LIMCH1: variants seen among roughly 807,000 people sequenced by gnomAD.
The protein encoded by LIMCH1 is LIM and calponin homology domains 1.
LIMCH1 carries 113 observed loss-of-function variants against 176.5 expected under a neutral mutation model. That is an observed-to-expected ratio of 0.64 (90% CI 0.55 to 0.75). LIMCH1 has a LOEUF of 0.75. Ranked by LOEUF, LIMCH1 falls within the 30% of genes least tolerant of loss-of-function variation. The probability of loss-of-function intolerance (pLI) is 0.00; values close to 1 mark genes in which losing one functional copy is unlikely to be tolerated. For synonymous variants in LIMCH1, 619 were observed against 645.9 expected (o/e 0.96, Z 0.63); for missense variants, 1,674 against 1,814.9 (o/e 0.92, Z 1.41).
intron 4 of LIMCH1, chr4:41,613,228 G>T: frequency 3.3e-6 from 3 of 915,102 alleles, no homozygotes; most frequent in Non-Finnish European, 1.6e-6. Context: ...TGAGTTATTT[G>T]GGGATTTTTT....
intron 1 of LIMCH1, among the ~76,000 whole-genome samples, chr4:41,390,582 A>AT (rs2154110607): frequency 6.6e-6 from 1 of 152,322 alleles, no homozygotes; most frequent in East Asian, 1.9e-4. Context: ...AGAATAACAA[A>AT]TTTTTTATTG....
chr4:41,413,522 G>A (rs926762631), intron 1 of LIMCH1, among the ~76,000 whole-genome samples: 1 of 147,598 alleles, frequency 6.8e-6, no homozygotes, highest in Non-Finnish European at 1.5e-5. Flanking sequence ...ATTTTTTGTA[G>A]AGATGGGGTC....
chr4:41,621,320 A>G (rs1483995993), intron 7 of LIMCH1, among the ~76,000 whole-genome samples: 1 of 152,148 alleles, frequency 6.6e-6, no homozygotes, highest in Non-Finnish European at 1.5e-5. Flanking sequence ...ACCTTCAGCA[A>G]TCAGAGCCAA....
intron 1 of LIMCH1, among the ~76,000 whole-genome samples, chr4:41,573,979 A>G (rs905884182): frequency 6.6e-6 from 1 of 152,128 alleles, no homozygotes; most frequent in African/African-American, 2.4e-5. Flanking sequence ...ACAATTAGGA[A>G]GACAAATCTC....
intron 1 of LIMCH1, among the ~76,000 whole-genome samples, chr4:41,541,234 TA>T (rs1221823078): frequency 6.6e-6 from 1 of 152,168 alleles, no homozygotes; most frequent in Non-Finnish European, 1.5e-5. Context: ...GTTGTAATGA[TA>T]TAAAATAAGA....
At chr4:41,480,954 C>T (rs527905600) in intron 1 of LIMCH1, among the ~76,000 whole-genome samples, 1 of 152,218 alleles carries the variant, frequency 6.6e-6, no homozygotes, top group South Asian at 2.1e-4. Flanking sequence ...CTAGATCATA[C>T]AAGGGCTCGA....
In LIMCH1 at chr4:41,661,421, C is replaced by G; in HGVS notation, c.3038C>G (p.Ala1013Gly). 1 of 1,600,404 alleles carries G rather than the reference C, an allele frequency of 6.2e-7. No individual in the cohort carries two copies. Among genetic ancestry groups the G allele is most frequent in the East Asian group, 2.2e-5 (1 of 44,772 alleles). ...GGGGGAAAAAAATCTCTTTTTCAGG[C>G]AACCACTGAGAAAACGGAACCGAAT... ...KPNSVPQELA[A>G]TTEKTEPNSQ... Residue 1013 changes from alanine (A) to glycine (G), a missense_variant and splice_region_variant, in exon 19 of 32, where the codon GCA becomes GGA. By Grantham distance (60) the Ala-to-Gly change is moderately conservative. Coordinates refer to ENST00000503057, the MANE Select transcript of LIMCH1 (RefSeq NM_001330672.2).
chr4:41,436,626 A>G (rs2062109653), intron 1 of LIMCH1, among the ~76,000 whole-genome samples: 1 of 152,208 alleles, frequency 6.6e-6, no homozygotes, highest in African/African-American at 2.4e-5. Context: ...CACCAGGGCA[A>G]TCTGTGTGAC....
intron 4 of LIMCH1, among the ~76,000 whole-genome samples, chr4:41,610,155 A>C (rs191329577): frequency 6.6e-6 from 1 of 152,146 alleles, no homozygotes. Flanking sequence ...TCCCATAACT[A>C]TCTGTGAGAA....
intron 19 of LIMCH1, chr4:41,661,809 A>T (rs988909571): frequency 5.3e-5 from 21 of 398,570 alleles, no homozygotes; most frequent in Non-Finnish European, 8.2e-5. Context: ...ATCATGCTAA[A>T]AATTGAGGGT....
chr4:41,556,035 A>G (rs1489172966), intron 1 of LIMCH1, among the ~76,000 whole-genome samples: 1 of 152,022 alleles, frequency 6.6e-6, no homozygotes, highest in East Asian at 1.9e-4. Context: ...GTGAGCCACC[A>G]CACCTGGCCA....
chr4:41,532,226 G>A (rs1407030527), intron 3 of LIMCH1, among the ~76,000 whole-genome samples: 1 of 152,182 alleles, frequency 6.6e-6, no homozygotes, highest in Non-Finnish European at 1.5e-5. Flanking sequence ...ATTGAAAGGT[G>A]GAATATGAAC....
At position 41,646,586 on chromosome 4, in the gene LIMCH1, G is replaced by A; in HGVS notation, c.2513G>A (p.Ser838Asn). The A allele has an allele frequency of 2.5e-6, 4 of 1,614,222 alleles. No individual in the cohort carries two copies. The highest frequency in any genetic ancestry group is 3.4e-6 in the Non-Finnish European group (4 of 1,180,042). ...CAGTACATTGAGAGGTTCACCATCA[G>A]TGAGGCTGTTCTCGAACGCTTGGAG... Reference protein sequence around the residue: ...LQQYIERFTISEAVLERLEMP... With the variant: ...LQQYIERFTINEAVLERLEMP... Residue 838 changes from serine to asparagine, a missense_variant, in exon 17 of 32, where the codon AGT (serine) becomes AAT (asparagine). By Grantham distance (46) the Ser-to-Asn change is conservative. This residue lies in a region of LIMCH1 where 1,015 missense variants were observed against 1,102.5 expected (regional missense o/e 0.92). Transcript: ENST00000503057.
chr4:41,431,077 C>T (rs954043635), intron 1 of LIMCH1, among the ~76,000 whole-genome samples: 1 of 152,228 alleles, frequency 6.6e-6, no homozygotes, highest in Non-Finnish European at 1.5e-5. Flanking sequence ...ATTTCTCCAT[C>T]CTCCTCAGAT....
chr4:41,523,867 G>A (rs1210229740), intron 2 of LIMCH1, among the ~76,000 whole-genome samples: 3 of 152,124 alleles, frequency 2.0e-5, no homozygotes, highest in East Asian at 1.9e-4. Flanking sequence ...GAATATGATT[G>A]GCTAACCTCT....
chr4:41,629,944 T>C (rs1226020727), intron 9 of LIMCH1, among the ~76,000 whole-genome samples: 2 of 151,990 alleles, frequency 1.3e-5, no homozygotes, highest in Admixed American at 6.6e-5. Context: ...TAGCTGGGAC[T>C]ACAGGCCCAT....
chr4:41,478,618 C>T (rs2068093619), intron 1 of LIMCH1, among the ~76,000 whole-genome samples: 3 of 152,174 alleles, frequency 2.0e-5, no homozygotes, highest in South Asian at 2.1e-4. Flanking sequence ...ATAGTGAAAT[C>T]GATCACTTCA....
intron 1 of LIMCH1, among the ~76,000 whole-genome samples, chr4:41,429,556 C>T (rs1171225133): frequency 6.6e-6 from 1 of 152,250 alleles, no homozygotes; most frequent in Admixed American, 6.5e-5. Flanking sequence ...CTGTGGTAAG[C>T]ACAGTATTCT....
chr4:41,636,091 T>C (rs1333822898), intron 13 of LIMCH1, among the ~76,000 whole-genome samples: 1 of 151,870 alleles, frequency 6.6e-6, no homozygotes, highest in Non-Finnish European at 1.5e-5. Context: ...GTTTTTATTT[T>C]GTAGAGGCAG....
Sources: allele counts gnomAD v4.1 joint callset (sites outside exome capture counted in the v4.1 genomes callset), GRCh38; gene constraint gnomAD v4.1.1; regional missense constraint gnomAD v4.1.1; transcripts MANE v1.5; gene names NCBI Gene and HGNC (gene_info 2026-07-23, HGNC 2026-07-21).